Variants in FGF18 observed in about 807,000 individuals in gnomAD.
FGF18 encodes the protein fibroblast growth factor 18.
A neutral mutation model predicts 23.0 loss-of-function variants in FGF18; 5 were observed. That is an observed-to-expected ratio of 0.22 (90% CI 0.11 to 0.46). The LOEUF (loss-of-function observed/expected upper bound fraction) is 0.46. Ranked by LOEUF, FGF18 falls within the 20% of genes least tolerant of loss-of-function variation. FGF18 has a pLI of 0.99. For synonymous variants in FGF18, 117 were observed against 118.9 expected (o/e 0.98, Z 0.10); for missense variants, 180 against 291.6 (o/e 0.62, Z 2.79).
chr5:171,433,533 A>G (rs1772208961), intron 2 of FGF18, among the ~76,000 whole-genome samples: 2 of 152,162 alleles, frequency 1.3e-5, no homozygotes, highest in South Asian at 4.1e-4. Context: ...TGTGGGCCTC[A>G]GGAGCACTGG....
chr5:171,443,528 T>TTTTTTTTTTTTTTTTTTTTG, intron 3 of FGF18, among the ~76,000 whole-genome samples: 1 of 140,720 alleles, frequency 7.1e-6, no homozygotes, highest in African/African-American at 2.7e-5. Flanking sequence ...TTTTTTTTTT[T>TTTTTTTTTTTTTTTTTTTTG]TTTTAGCAGA....
Position 171,436,266 on chromosome 5 carries a change from C to A in FGF18, c.243C>A (p.Asp81Glu). The A allele has an allele frequency of 6.3e-7, 1 of 1,583,272 alleles. No homozygotes were observed. Among genetic ancestry groups the A allele is most frequent in the South Asian group, 1.1e-5 (1 of 87,052 alleles). The change falls in exon 3 of 5, where the codon GAC becomes GAA. Residue 81 changes from aspartate to glutamate, a missense_variant. By Grantham distance (45) the Asp-to-Glu change is conservative. Coordinates refer to ENST00000274625, the MANE Select transcript of FGF18 (RefSeq NM_003862.3). This position sits in a 1 kb window ranked among gnomAD's most constrained non-coding sequence, Gnocchi z 4.4. ...RRISARGEDG[D>E]KYAQLLVETD... is the part of the protein sequence containing the mutation. ...TCAGTGCCCGCGGCGAGGATGGGGA[C>A]AAGTATGGTATGTGCCAACCCTCTC...
intron 4 of FGF18, 29 bp downstream of exon 4, chr5:171,449,282 C>T (rs1772458446): frequency 6.5e-7 from 1 of 1,544,966 alleles, no homozygotes. Flanking sequence ...TTCCCGGGAA[C>T]TTCGGGTTCC....
At chr5:171,428,088 C>A (rs981322990) in intron 2 of FGF18, among the ~76,000 whole-genome samples, 1 of 152,206 alleles carries the variant, frequency 6.6e-6, no homozygotes, top group African/African-American at 2.4e-5. Context: ...ATGTGAGCTG[C>A]GTATCTGCAT....
Position 171,451,317 on chromosome 5 carries a change from G to A in FGF18, c.357+2064G>A, listed in dbSNP as rs899777660. Among the ~76,000 whole-genome samples the A allele has an allele frequency of 1.3e-5, 2 of 151,992 alleles. No individual in the cohort carries two copies. The highest frequency in any genetic ancestry group is 6.5e-5 in the Admixed American group (1 of 15,270). ...TCTTCTGGGCCCACCCGGGGGACTC[G>A]AGGACGCCACCAAATCCACCTGTCC... On this transcript the variant is annotated intron_variant, in intron 4 of 4. Coordinates refer to ENST00000274625, the MANE Select transcript of FGF18 (RefSeq NM_003862.3). The surrounding 1 kb of genome is among the most constrained non-coding windows in gnomAD (Gnocchi z 4.5).
rs61209923 is a variant in FGF18, at chr5:171,440,227, G to A, written c.250+3954G>A. On this transcript the variant is annotated intron_variant, in intron 3 of 4. Coordinates refer to ENST00000274625, the MANE Select transcript of FGF18 (RefSeq NM_003862.3). The surrounding 1 kb of genome is among the most constrained non-coding windows in gnomAD (Gnocchi z 4.0). ...CTGACCTCCTTACTATGGGTGTGTG[G>A]GGGGGGGTGGTGCCATCGCGGGCTC... is the stretch of plus-strand genomic sequence containing the variant. Among the ~76,000 whole-genome samples the A allele has an allele frequency of 1.1e-5, 1 of 89,860 alleles. No homozygotes were observed. The highest frequency in any genetic ancestry group is 2.3e-5 in the Non-Finnish European group (1 of 44,278). The allele number at this position is 89,860 out of a possible 152,430, so 59.0% of individuals were successfully genotyped here.
chr5:171,436,192 C>T lies in FGF18; in HGVS notation c.169C>T (p.Leu57Phe). The T allele has an allele frequency of 6.2e-7, 1 of 1,608,706 alleles. No individual in the cohort carries two copies. The change falls in exon 3 of 5, where the codon CTC becomes TTC. Residue 57 changes from leucine (L) to phenylalanine (F), a missense_variant. This residue lies in a region of FGF18 where 83 missense variants were observed against 190.4 expected (regional missense o/e 0.44). Transcript: ENST00000274625. The surrounding 1 kb of genome is among the most constrained non-coding windows in gnomAD (Gnocchi z 4.4). ...CCGTAAGCAGCTGCGGCTGTACCAG[C>T]TCTACAGCCGGACCAGTGGGAAACA... ...VSRKQLRLYQ[L>F]YSRTSGKHIQ...
At chr5:171,443,476 C>G (rs1419422061) in intron 3 of FGF18, among the ~76,000 whole-genome samples, 1 of 130,124 alleles carries the variant, frequency 7.7e-6, no homozygotes, top group African/African-American at 2.8e-5. Flanking sequence ...GGTATATGCT[C>G]AGATAAGTAT....
intron 3 of FGF18, among the ~76,000 whole-genome samples, chr5:171,443,496 T>C (rs1489903099): frequency 8.2e-6 from 1 of 122,120 alleles, no homozygotes; most frequent in African/African-American, 3.1e-5. Flanking sequence ...TTCACTGTTA[T>C]CATCATTTTT....
At position 171,452,701 on chromosome 5, in the gene FGF18, G is replaced by A. The variant is rs74629240; in HGVS notation, c.357+3448G>A. Among the ~76,000 whole-genome samples the A allele has an allele frequency of 8.5e-3, 1,292 of 152,214 alleles. 11 individuals are homozygous for A. The highest frequency in any genetic ancestry group is 0.014 in the Middle Eastern group (4 of 294). On this transcript the variant is annotated intron_variant, in intron 4 of 4. Coordinates refer to ENST00000274625, the MANE Select transcript of FGF18 (RefSeq NM_003862.3). The stretch of plus-strand genomic sequence containing the variant: ...TTTCTCATCTGCCACCACCTATTGC[G>A]ATCACTGATGAGTCCTTTTTGGGGC...
chr5:171,447,368 G>A (rs761380987), intron 3 of FGF18, among the ~76,000 whole-genome samples: 31 of 152,234 alleles, frequency 2.0e-4, no homozygotes, highest in Non-Finnish European at 4.4e-4. Context: ...TGGCCCTGGG[G>A]AGGGAGCTCA....
chr5:171,425,461 T>C (rs1266706487), intron 2 of FGF18, among the ~76,000 whole-genome samples: 1 of 150,962 alleles, frequency 6.6e-6, no homozygotes, highest in Non-Finnish European at 1.5e-5. Context: ...CCTCAGGTGA[T>C]CCACCCGCCT....
At chr5:171,420,282 T>C (rs1173890390) in intron 1 of FGF18, 51 bp downstream of exon 1, 1 of 1,606,422 alleles carries the variant, frequency 6.2e-7, no homozygotes, top group African/African-American at 1.3e-5. Context: ...TCTGTCCGTA[T>C]GCCTGTGCCC....
chr5:171,427,525 T>G (rs1324488406), intron 2 of FGF18, among the ~76,000 whole-genome samples: 1 of 152,200 alleles, frequency 6.6e-6, no homozygotes, highest in Non-Finnish European at 1.5e-5. Flanking sequence ...GGCGAGGCCC[T>G]TAACCTCTCT....
chr5:171,451,050 C>T lies in FGF18; in HGVS notation c.357+1797C>T, dbSNP rs1448226543. Among the ~76,000 whole-genome samples the T allele has an allele frequency of 6.6e-6, 1 of 151,572 alleles. No individual in the cohort carries two copies. Among genetic ancestry groups the T allele is most frequent in the African/African-American group, 2.4e-5 (1 of 41,334 alleles). ...AAAGAGCAGCCCCGTCCCCTCGGGC[C>T]GCCCCCCCACCCCGCCGCCGGCCGC... is the stretch of plus-strand genomic sequence containing the variant. On this transcript the variant is annotated intron_variant, in intron 4 of 4. Transcript: ENST00000274625. The surrounding 1 kb of genome is among the most constrained non-coding windows in gnomAD (Gnocchi z 4.5).
intron 2 of FGF18, among the ~76,000 whole-genome samples, chr5:171,427,736 C>T (rs553549487): frequency 1.1e-3 from 169 of 152,300 alleles, no homozygotes; most frequent in African/African-American, 3.8e-3. Flanking sequence ...AGAAGGTATC[C>T]AAGGCTTTTC....
At position 171,428,955 on chromosome 5, in the gene FGF18, G is replaced by T. The variant is rs1220571228; in HGVS notation, c.70-7138G>T. On this transcript the variant is annotated intron_variant, in intron 2 of 4. Transcript: ENST00000274625. ...CGGGCCCAACCCCCCATCCTGCAGT[G>T]CCCCCCTCCCCTGCTGATGGCTCAA... 3.3e-5 allele frequency among the ~76,000 whole-genome samples: 5 copies of T among 152,216 alleles called. No homozygotes were observed. In the East Asian group the frequency reaches 9.6e-4, roughly 29 times the overall value.
In FGF18 at chr5:171,456,697, G is replaced by T. The variant is rs1481734732; in HGVS notation, c.516G>T (p.Val172=). 2.5e-6 allele frequency: 4 copies of T among 1,614,014 alleles called. No homozygotes were observed. The Admixed American group carries it at 6.7e-5, about 27-fold the overall frequency. The change falls in exon 5 of 5, where the codon GTG becomes GTT. Residue 172 remains valine, a synonymous_variant. Coordinates refer to ENST00000274625, the MANE Select transcript of FGF18 (RefSeq NM_003862.3). The surrounding 1 kb of genome is among the most constrained non-coding windows in gnomAD (Gnocchi z 6.1). The part of the protein sequence containing the change: ...GPKTRENQQD[V]HFMKRYPKGQ... ...AGACCCGGGAGAACCAGCAGGACGTGCATTTCATGAAGCGCTACCCCAAGG... is the reference window on the plus strand; with the variant it reads ...AGACCCGGGAGAACCAGCAGGACGTTCATTTCATGAAGCGCTACCCCAAGG...
chr5:171,449,157 A>G lies in FGF18; in HGVS notation c.261A>G (p.Leu87=), dbSNP rs373312537. ...TTCTGCCTTTCGAAGCCCAGCTCCT[A>G]GTGGAGACAGACACCTTCGGTAGTC... ...GEDGDKYAQL[L]VETDTFGSQV... Residue 87 remains leucine (L), a synonymous_variant, in exon 4 of 5, where the codon CTA becomes CTG. Coordinates refer to ENST00000274625, the MANE Select transcript of FGF18 (RefSeq NM_003862.3). 1.1e-4 allele frequency: 174 copies of G among 1,613,298 alleles called. No individual in the cohort carries two copies. The highest frequency in any genetic ancestry group is 1.4e-4 in the Non-Finnish European group (164 of 1,179,396).
Sources: gnomAD v4.1 joint callset for allele counts (sites outside exome capture counted in the v4.1 genomes callset) on GRCh38, gnomAD v4.1.1 for gene constraint, gnomAD v4.1.1 regional missense constraint, Gnocchi (gnomAD v3.1) non-coding constraint, MANE v1.5 for transcripts, NCBI Gene and HGNC (gene_info 2026-07-23, HGNC 2026-07-21) for gene names.